Variants in KLHL10 observed in about 807,000 individuals in gnomAD.
The protein encoded by KLHL10 is kelch-like protein 10.
Under a neutral mutation model 46.6 loss-of-function variants are expected in KLHL10, and 11 were observed. The observed-to-expected ratio is 0.24, with a 90% confidence interval of 0.15 to 0.39. The LOEUF (loss-of-function observed/expected upper bound fraction) is 0.39, where lower values mean the gene tolerates loss of function less well. Among genes scored for constraint, KLHL10 ranks in the 10% least tolerant of loss-of-function variants. KLHL10 has a pLI of 1.00. For synonymous variants in KLHL10, 254 were observed against 279.1 expected (o/e 0.91, Z 0.90); for missense variants, 475 against 789.8 (o/e 0.60, Z 4.78).
Position 41,837,996 on chromosome 17 carries a change from A to C in KLHL10, c.64A>C (p.Ser22Arg). Residue 22 changes from serine (S) to arginine (R), a missense_variant, in exon 1 of 5, where the codon AGT becomes CGT. Physicochemically the swap from Ser to Arg is moderately radical, Grantham distance 110 (BLOSUM62 -1). Transcript: ENST00000293303. Reference protein sequence around the residue: ...FHQPHMERKMSAMACEIFNEL... With the variant: ...FHQPHMERKMRAMACEIFNEL... The stretch of plus-strand genomic sequence containing the variant: ...CCAGCCTCACATGGAGAGGAAGATG[A>C]GTGCGATGGCCTGTGAGATCTTCAA... The C allele has an allele frequency of 6.2e-7, 1 of 1,614,084 alleles. No homozygotes were observed. The highest frequency in any genetic ancestry group is 8.5e-7 in the Non-Finnish European group (1 of 1,179,990).
At chr17:41,842,475 T>C (rs2048236209) in intron 2 of KLHL10, among the ~76,000 whole-genome samples, 163 bp downstream of exon 2, 1 of 152,180 alleles carries the variant, frequency 6.6e-6, no homozygotes, top group Non-Finnish European at 1.5e-5. Flanking sequence ...TTACTAGTTC[T>C]TTTTACCTAA....
Position 41,845,622 on chromosome 17 carries a change from T to G in KLHL10, c.1181T>G (p.Phe394Cys). The G allele has an allele frequency of 6.2e-7, 1 of 1,613,930 alleles. No individual in the cohort carries two copies. The highest frequency in any genetic ancestry group is 8.5e-7 in the Non-Finnish European group (1 of 1,179,840). Residue 394 changes from phenylalanine (F) to cysteine (C), a missense_variant, in exon 3 of 5, where the codon TTT becomes TGT. Phe to Cys is a radical substitution (Grantham distance 205). Transcript: ENST00000293303. ...LGNFIYAMGG[F>C]DGYVRLNTAE... ...AATTTTATTTATGCCATGGGAGGAT[T>G]TGATGGCTACGTGCGTCTAAACACT...
chr17:41,847,095 G>A lies in KLHL10; in HGVS notation c.1303-166G>A, dbSNP rs4796719. On this transcript the variant is annotated intron_variant, in intron 3 of 4. Transcript: ENST00000293303. The stretch of plus-strand genomic sequence containing the variant: ...TGGACTCCAGCCTGGGTGACAGAGC[G>A]AGACTCTGTCTCTAAAAAATAAATA... 0.76 allele frequency among the ~76,000 whole-genome samples: 115,326 copies of A among 152,012 alleles called. 44,000 individuals are homozygous for A. Among genetic ancestry groups the A allele is most frequent in the Admixed American group, 0.85 (12,910 of 15,264 alleles).
At chr17:41,843,342 C>T (rs1183082513) in intron 2 of KLHL10, among the ~76,000 whole-genome samples, 1 of 150,134 alleles carries the variant, frequency 6.7e-6, no homozygotes, top group African/African-American at 2.5e-5. Flanking sequence ...CACTCTCTAC[C>T]GAAAATACAA....
In KLHL10 at chr17:41,837,871, GC is replaced by G; in HGVS notation, c.-56del. On this transcript the variant is annotated 5_prime_UTR_variant, in exon 1 of 5. Transcript: ENST00000293303. ...AAAGGAGCGACAGCTGGCTAAAGGG[GC>G]CCCCCACAACCCTCCCCGACACCCT... 6.2e-7 allele frequency: 1 copy of G among 1,607,748 alleles called. No homozygotes were observed.
At position 41,845,487 on chromosome 17, in the gene KLHL10, G is replaced by A; in HGVS notation, c.1046G>A (p.Ser349Asn). Reference protein sequence around the residue: ...GYVYIIGGFDSVDYFNSVKRF... With the variant: ...GYVYIIGGFDNVDYFNSVKRF... Reference sequence around the variant, plus strand: ...GTGTATATCATTGGGGGGTTTGATAGTGTAGACTATTTCAATAGTGTTAAG... The same window carrying A: ...GTGTATATCATTGGGGGGTTTGATAATGTAGACTATTTCAATAGTGTTAAG... Residue 349 changes from serine to asparagine, a missense_variant, in exon 3 of 5, where the codon AGT (serine) becomes AAT (asparagine). Physicochemically the swap from Ser to Asn is conservative, Grantham distance 46. Transcript: ENST00000293303. The A allele has an allele frequency of 6.2e-7, 1 of 1,614,224 alleles. No individual in the cohort carries two copies. Among genetic ancestry groups the A allele is most frequent in the Non-Finnish European group, 8.5e-7 (1 of 1,180,054 alleles).
rs144734664 is a variant in KLHL10, at chr17:41,847,771, C to T, written c.1453-162C>T. On this transcript the variant is annotated intron_variant, in intron 4 of 4. Coordinates refer to ENST00000293303, the MANE Select transcript of KLHL10 (RefSeq NM_152467.5). ...CCACCCGCCTCGGCCTCCCAGAGTG[C>T]TGGGATTACAGGCGTGAGCCACTGC... 2.2e-3 allele frequency among the ~76,000 whole-genome samples: 328 copies of T among 152,328 alleles called. 7 individuals are homozygous for T. The East Asian group carries it at 0.056, about 26-fold the overall frequency.
chr17:41,840,068 T>A (rs896524277), intron 1 of KLHL10, among the ~76,000 whole-genome samples: 7 of 151,934 alleles, frequency 4.6e-5, no homozygotes, highest in African/African-American at 1.5e-4. Context: ...TGACTTCAGG[T>A]GATCCGCCTG....
Position 41,845,253 on chromosome 17 carries a change from T to A in KLHL10, c.812T>A (p.Met271Lys). ...NALKAMYDLN[M>K]NGPSNSDFTN... ...CTAAAGGCCATGTATGACCTCAACATGAATGGACCCTCTAATTCTGATTTC... is the reference window on the plus strand; with the variant it reads ...CTAAAGGCCATGTATGACCTCAACAAGAATGGACCCTCTAATTCTGATTTC... The change falls in exon 3 of 5, where the codon ATG becomes AAG. Residue 271 changes from methionine (M) to lysine (K), a missense_variant. By Grantham distance (95) the Met-to-Lys change is moderately conservative. Coordinates refer to ENST00000293303, the MANE Select transcript of KLHL10 (RefSeq NM_152467.5). The A allele has an allele frequency of 6.2e-7, 1 of 1,614,234 alleles. No homozygotes were observed. The highest frequency in any genetic ancestry group is 8.5e-7 in the Non-Finnish European group (1 of 1,180,036).
upstream of KLHL10, among the ~76,000 whole-genome samples, chr17:41,836,985 G>C (rs1242012704): frequency 6.6e-6 from 1 of 152,028 alleles, no homozygotes; most frequent in Admixed American, 6.5e-5. Context: ...GGGAGACCCG[G>C]GACAGCTTTC....
chr17:41,840,643 C>A (rs374291365), intron 1 of KLHL10, among the ~76,000 whole-genome samples: 364 of 137,346 alleles, frequency 2.7e-3, no homozygotes, highest in Middle Eastern at 3.7e-3. Context: ...GACTCCATCT[C>A]AAAAAAAAAA....
chr17:41,840,902 G>A (rs1226657564), intron 1 of KLHL10, among the ~76,000 whole-genome samples: 1 of 152,074 alleles, frequency 6.6e-6, no homozygotes, highest in Non-Finnish European at 1.5e-5. Context: ...GATCACCTGA[G>A]GTCAGGAGTG....
At chr17:41,836,053 G>C, upstream of KLHL10, 1 of 1,405,540 alleles carries the variant, frequency 7.1e-7, no homozygotes, top group Non-Finnish European at 9.3e-7. Flanking sequence ...GGCGGGGCCG[G>C]GGTGCGCGAG....
chr17:41,836,180 A>C, upstream of KLHL10: 2 of 1,273,762 alleles, frequency 1.6e-6, no homozygotes, highest in Middle Eastern at 2.7e-4. Flanking sequence ...CTCCCTCCTC[A>C]CCTCCTCTGC....
Position 41,845,106 on chromosome 17 carries a change from T to C in KLHL10, c.685-20T>C, listed in dbSNP as rs782156285. ...GGCACTCTCACGTCACCTGAATGAC[T>C]TTCTGCGTTTGCTTCTTAGGTTCGC... On this transcript the variant is annotated intron_variant, in intron 2 of 4. Transcript: ENST00000293303. The C allele has an allele frequency of 5.0e-6, 8 of 1,614,210 alleles. No homozygotes were observed. Among genetic ancestry groups the C allele is most frequent in the Non-Finnish European group, 6.8e-6 (8 of 1,180,036 alleles).
chr17:41,837,736 A>C, upstream of KLHL10: 2 of 1,361,440 alleles, frequency 1.5e-6, no homozygotes, highest in Non-Finnish European at 1.9e-6. Flanking sequence ...GGACAAGTCC[A>C]GGAGGCAGTT....
chr17:41,842,032 A>G lies in KLHL10; in HGVS notation c.404A>G (p.Glu135Gly). The G allele has an allele frequency of 6.2e-7, 1 of 1,614,136 alleles. No homozygotes were observed. The highest frequency in any genetic ancestry group is 1.1e-5 in the South Asian group (1 of 91,082). ...GGTTGCTGCGAGTTCCTCAAGTCAG[A>G]GCTGTGCTTGGATAATTGTATCGGC... ...VRGCCEFLKS[E>G]LCLDNCIGIC... is the part of the protein sequence containing the mutation. Residue 135 changes from glutamate (E) to glycine (G), a missense_variant, in exon 2 of 5, where the codon GAG becomes GGG. Physicochemically the swap from Glu to Gly is moderately conservative, Grantham distance 98. Transcript: ENST00000293303.
upstream of KLHL10, chr17:41,836,385 C>T: frequency 8.2e-7 from 1 of 1,224,246 alleles, no homozygotes; most frequent in African/African-American, 1.6e-5. Flanking sequence ...GCTAGGCAAA[C>T]TGGAGGAGGG....
chr17:41,838,886 G>A (rs1597932523), intron 1 of KLHL10, among the ~76,000 whole-genome samples: 1 of 151,656 alleles, frequency 6.6e-6, no homozygotes, highest in East Asian at 1.9e-4. Flanking sequence ...ACAGGGTTTT[G>A]CCATGTCGCT....
Sources: gnomAD v4.1 joint callset for allele counts (sites outside exome capture counted in the v4.1 genomes callset) on GRCh38, gnomAD v4.1.1 for gene constraint, MANE v1.5 for transcripts, NCBI Gene and HGNC (gene_info 2026-07-23, HGNC 2026-07-21) for gene names.